IRGQ: variants seen among roughly 807,000 people sequenced by gnomAD.
IRGQ encodes immunity-related GTPase family Q protein.
Under a neutral mutation model 10.5 loss-of-function variants are expected in IRGQ, and 5 were observed. The observed-to-expected ratio is 0.48, with a 90% CI of 0.25 to 1.00. The LOEUF is 1.00. IRGQ is among the 50% of genes least tolerant of loss of function. The probability of loss-of-function intolerance (pLI) is 0.16; values close to 1 mark genes in which losing one functional copy is unlikely to be tolerated. For synonymous variants in IRGQ, 418 were observed against 426.0 expected, an observed-to-expected ratio of 0.98 and a Z score of 0.23; for missense variants, 792 against 877.7, an observed-to-expected ratio of 0.90 and a Z score of 1.23.
Position 43,594,940 on chromosome 19 carries a change from A to G in IRGQ, c.399T>C (p.Ala133=). ...TAAQARDQTA[A]LLNSAGLGAA... is the part of the protein sequence containing the mutation. ...CTCCTAACCCCGCGCTGTTCAGCAG[A>G]GCTGCTGTCTGATCACGGGCCTGGG... The change falls in exon 2 of 3, where the codon GCT becomes GCC. Residue 133 remains alanine (A), a synonymous_variant. Transcript: ENST00000422989. 1.2e-6 allele frequency: 2 copies of G among 1,614,046 alleles called. No individual in the cohort carries two copies. Among genetic ancestry groups the G allele is most frequent in the South Asian group, 2.2e-5 (2 of 91,092 alleles).
chr19:43,589,218 A>G lies in IRGQ; in HGVS notation c.*2808T>C, dbSNP rs1235524528. The G allele has an allele frequency of 1.3e-5, 2 of 152,224 alleles. No individual in the cohort carries two copies. The highest frequency in any genetic ancestry group is 2.9e-5 in the Non-Finnish European group (2 of 68,048). 9.4% of individuals were successfully genotyped at this position (152,224 alleles called of 1,614,324 possible). A position where few individuals can be genotyped will look rare whatever the true frequency, so the allele number is the denominator to read the frequency against. On this transcript the variant is annotated 3_prime_UTR_variant, in exon 3 of 3. Transcript: ENST00000422989. ...AGACAAGGGTGTTCTCTCCCATTAA[A>G]TGCTTTTTTCTCCTCATCTTGCTCC... is the stretch of plus-strand genomic sequence containing the variant.
Position 43,595,101 on chromosome 19 carries a change from G to A in IRGQ, c.238C>T (p.Leu80=), listed in dbSNP as rs1182149331. 2.5e-6 allele frequency: 4 copies of A among 1,606,506 alleles called. No homozygotes were observed. In the South Asian group the frequency reaches 3.3e-5, roughly 13 times the overall value. Residue 80 remains leucine (L), a synonymous_variant, in exon 2 of 3, where the codon CTG becomes TTG. Transcript: ENST00000422989. ...TTCCCCTCGGGTCCGGGCAGCACCA[G>A]TACCAGCACGTTGGCTTCCGCCGCC... The part of the protein sequence containing the change: ...PWAAEANVLV[L]VLPGPEGNGE...
In IRGQ at chr19:43,591,623, C is replaced by G. The variant is rs113037114; in HGVS notation, c.*403G>C. The G allele has an allele frequency of 8.0e-3, 1,274 of 160,152 alleles. 15 individuals carry two copies. Among genetic ancestry groups the G allele is most frequent in the African/African-American group, 0.029 (1,212 of 41,724 alleles). The allele number at this position is 160,152 out of a possible 1,614,324, so 9.9% of individuals were successfully genotyped here. A position where few individuals can be genotyped will look rare whatever the true frequency, so the allele number is the denominator to read the frequency against. On this transcript the variant is annotated 3_prime_UTR_variant, in exon 3 of 3. Coordinates refer to ENST00000422989, the MANE Select transcript of IRGQ (RefSeq NM_001007561.3). ...AGCACTTTGGGAGGCCGGAGCGGGT[C>G]GATCGCCTGAGGTCAGGAGTTCGAG... is the stretch of plus-strand genomic sequence containing the variant.
In IRGQ at chr19:43,592,995, G is replaced by A; in HGVS notation, c.903C>T (p.Ile301=). 6.2e-7 allele frequency: 1 copy of A among 1,608,948 alleles called. No individual in the cohort carries two copies. Among genetic ancestry groups the A allele is most frequent in the Non-Finnish European group, 8.5e-7 (1 of 1,179,534 alleles). The change falls in exon 3 of 3, where the codon ATC becomes ATT. Residue 301 remains isoleucine, a synonymous_variant. Transcript: ENST00000422989. ...ASHPTHYDAL[I]LVTPGAPTEK... is the part of the protein sequence containing the mutation. ...CAGTGGGGGCCCCAGGGGTGACGAG[G>A]ATGAGGGCGTCGTAGTGCGTTGGGT...
Position 43,589,897 on chromosome 19 carries a change from G to C in IRGQ, c.*2129C>G, listed in dbSNP as rs879823409. ...AGAGTAGAACAGGAAGTTGTGAGTA[G>C]AGCCTTGAAGGAAAGAGAACAGCAG... On this transcript the variant is annotated 3_prime_UTR_variant, in exon 3 of 3. Transcript: ENST00000422989. The C allele has an allele frequency of 4.6e-5, 7 of 152,154 alleles. No individual in the cohort carries two copies. The highest frequency in any genetic ancestry group is 8.8e-5 in the Non-Finnish European group (6 of 68,082). The allele number at this position is 152,154 out of a possible 1,614,324, so 9.4% of individuals were successfully genotyped here. A position where few individuals can be genotyped will look rare whatever the true frequency, so the allele number is the denominator to read the frequency against.
rs1212458761 is a variant in IRGQ, at chr19:43,593,867, T to C, written c.531-500A>G. ...GGGGAGAAATCTCATCTACCAGTTCTTACCAAGGGGGAGTGGCTAAGGTGA... is the reference window on the plus strand; with the variant it reads ...GGGGAGAAATCTCATCTACCAGTTCCTACCAAGGGGGAGTGGCTAAGGTGA... On this transcript the variant is annotated intron_variant, in intron 2 of 2. Transcript: ENST00000422989. This position sits in a 1 kb window ranked among gnomAD's most constrained non-coding sequence, Gnocchi z 6.4. 1.3e-5 allele frequency among the ~76,000 whole-genome samples: 2 copies of C among 152,078 alleles called. No homozygotes were observed. Among genetic ancestry groups the C allele is most frequent in the Non-Finnish European group, 2.9e-5 (2 of 67,990 alleles).
chr19:43,591,897 T>A lies in IRGQ; in HGVS notation c.*129A>T. ...ATCAGGATTCCTGTCCCCCAGACTC[T>A]CTGAATCCAGGTGATAAGAAGTCAC... On this transcript the variant is annotated 3_prime_UTR_variant, in exon 3 of 3. Coordinates refer to ENST00000422989, the MANE Select transcript of IRGQ (RefSeq NM_001007561.3). 1.2e-6 allele frequency: 1 copy of A among 809,862 alleles called. No homozygotes were observed. The highest frequency in any genetic ancestry group is 1.9e-6 in the Non-Finnish European group (1 of 532,576). The allele number at this position is 809,862 out of a possible 1,614,324, so 50.2% of individuals were successfully genotyped here.
Position 43,587,008 on chromosome 19 carries a change from T to C in IRGQ, c.*5018A>G, listed in dbSNP as rs534733406. Reference sequence around the variant, plus strand: ...ATGTTGCACTACTGCCAATGAAACATAGAATTTTAAGTTGTATTTACTTTT... The same window carrying C: ...ATGTTGCACTACTGCCAATGAAACACAGAATTTTAAGTTGTATTTACTTTT... On this transcript the variant is annotated 3_prime_UTR_variant, in exon 3 of 3. Transcript: ENST00000422989. The C allele has an allele frequency of 8.5e-5, 13 of 152,152 alleles. No individual in the cohort carries two copies. Among genetic ancestry groups the C allele is most frequent in the South Asian group, 2.1e-4 (1 of 4,826 alleles). 9.4% of individuals were successfully genotyped at this position (152,152 alleles called of 1,614,324 possible).
Position 43,592,568 on chromosome 19 carries a change from C to G in IRGQ, c.1330G>C (p.Glu444Gln). ...GGGGGGAGCGCTCGCCGCAGCCATT[C>G]GCATAGCCCTGGGAGTCCGCCAGGC... Reference protein sequence around the residue: ...LRPGGLPGLCEWLRRALPPAQ... With the variant: ...LRPGGLPGLCQWLRRALPPAQ... Residue 444 changes from glutamate (E) to glutamine (Q), a missense_variant, in exon 3 of 3, where the codon GAA (glutamate) becomes CAA (glutamine). Transcript: ENST00000422989. 6.3e-7 allele frequency: 1 copy of G among 1,598,450 alleles called. No individual in the cohort carries two copies. Among genetic ancestry groups the G allele is most frequent in the Non-Finnish European group, 8.5e-7 (1 of 1,179,064 alleles).
rs1236195151 is a variant in IRGQ, at chr19:43,592,082, C to G, written c.1816G>C (p.Asp606His). Residue 606 changes from aspartate (D) to histidine (H), a missense_variant, in exon 3 of 3, where the codon GAT becomes CAT. Transcript: ENST00000422989. ...AAHGVLLQAL[D>H]EMRADAEAVL... ...GCCTCAGCATCAGCCCGCATCTCAT[C>G]GAGAGCCTGCAGCAGGACGCCGTGA... The G allele has an allele frequency of 6.2e-7, 1 of 1,612,496 alleles. No homozygotes were observed. The highest frequency in any genetic ancestry group is 8.5e-7 in the Non-Finnish European group (1 of 1,179,670).
rs866050386 is a variant in IRGQ, at chr19:43,592,471, G to A, written c.1427C>T (p.Ala476Val). ...SPSAARTKAA[A>V]LRAGAWRPAL... ...TGGCCTCCACGCCCCGGCTCGCAAC[G>A]CCGCAGCCTTGGTTCGGGCAGCGCT... The change falls in exon 3 of 3, where the codon GCG becomes GTG. Residue 476 changes from alanine to valine, a missense_variant. Coordinates refer to ENST00000422989, the MANE Select transcript of IRGQ (RefSeq NM_001007561.3). 3 of 1,589,270 alleles carry A rather than the reference G, an allele frequency of 1.9e-6. No homozygotes were observed. Among genetic ancestry groups the A allele is most frequent in the African/African-American group, 1.3e-5 (1 of 74,644 alleles).
chr19:43,594,062 AG>A (rs1973096054), intron 2 of IRGQ, among the ~76,000 whole-genome samples: 1 of 152,244 alleles, frequency 6.6e-6, no homozygotes. Flanking sequence ...AGCTGGAGAA[AG>A]GAGGTAGATG....
Position 43,593,267 on chromosome 19 carries a change from A to G in IRGQ, c.631T>C (p.Ser211Pro). 1 of 1,597,662 alleles carries G rather than the reference A, an allele frequency of 6.3e-7. No individual in the cohort carries two copies. The highest frequency in any genetic ancestry group is 8.5e-7 in the Non-Finnish European group (1 of 1,171,272). ...FETGGLEAAL[S>P]WVRSGLERLG... Reference sequence around the variant, plus strand: ...CGCTCCAGGCCTGAGCGCACCCACGACAGCGCAGCCTCAAGGCCGCCGGTC... The same window carrying G: ...CGCTCCAGGCCTGAGCGCACCCACGGCAGCGCAGCCTCAAGGCCGCCGGTC... Residue 211 changes from serine to proline, a missense_variant, in exon 3 of 3, where the codon TCG (serine) becomes CCG (proline). By Grantham distance (74) the Ser-to-Pro change is moderately conservative. Coordinates refer to ENST00000422989, the MANE Select transcript of IRGQ (RefSeq NM_001007561.3). This position sits in a 1 kb window ranked among gnomAD's most constrained non-coding sequence, Gnocchi z 6.4.
At position 43,594,850 on chromosome 19, in the gene IRGQ, G is replaced by T; in HGVS notation, c.489C>A (p.Arg163=). Residue 163 remains arginine, a synonymous_variant, in exon 2 of 3, where the codon CGC becomes CGA. Transcript: ENST00000422989. ...CCTGGCTCTGCAGCGCCGCCCGGAG[G>T]CGCTCTAGCTCCTCGCAGCCGTCGC... is the stretch of plus-strand genomic sequence containing the variant. The part of the protein sequence containing the change: ...GSSDGCEELE[R]LRAALQSQAE... 1.2e-6 allele frequency: 2 copies of T among 1,612,902 alleles called. No homozygotes were observed. Among genetic ancestry groups the T allele is most frequent in the Non-Finnish European group, 1.7e-6 (2 of 1,179,562 alleles).
At position 43,584,878 on chromosome 19, in the gene IRGQ, GCT is replaced by G. The variant is rs1972975671; in HGVS notation, c.*7146_*7147del. 6.6e-6 allele frequency: 1 copy of G among 152,010 alleles called. No homozygotes were observed. The highest frequency in any genetic ancestry group is 6.6e-5 in the Admixed American group (1 of 15,222). The allele number at this position is 152,010 out of a possible 1,614,324, so 9.4% of individuals were successfully genotyped here. ...TTTTTATTTTTTTAGACATTGTCTT[GCT>G]CTGTCACCCAGGCTGGAGTGCAGTG... On this transcript the variant is annotated 3_prime_UTR_variant, in exon 3 of 3. Transcript: ENST00000422989.
chr19:43,592,622 C>A lies in IRGQ; in HGVS notation c.1276G>T (p.Glu426Ter). Residue 426 changes from glutamate to a stop codon, truncating the protein, a stop_gained, in exon 3 of 3, where the codon GAG becomes TAG. Transcript: ENST00000422989. LOFTEE classifies it low-confidence loss of function (END_TRUNC). The part of the protein sequence containing the change: ...PEDETWEVLE[E>*]APPPVFPLRP... ...AGGGGGAACACTGGCGGCGGCGCCT[C>A]CTCCAGCACCTCCCACGTCTCGTCC... 1.2e-6 allele frequency: 2 copies of A among 1,602,386 alleles called. No individual in the cohort carries two copies. The highest frequency in any genetic ancestry group is 8.5e-7 in the Non-Finnish European group (1 of 1,179,918).
In IRGQ at chr19:43,592,014, C is replaced by G. The variant is rs1973061885; in HGVS notation, c.*12G>C. The stretch of plus-strand genomic sequence containing the variant: ...CTGTCAGAGTCTGGACTCCCAAGCC[C>G]CCTCCCACTCCTCACTGGGCAGGCT... On this transcript the variant is annotated 3_prime_UTR_variant, in exon 3 of 3. Transcript: ENST00000422989. 4 of 1,571,688 alleles carry G rather than the reference C, an allele frequency of 2.5e-6. No homozygotes were observed. Among genetic ancestry groups the G allele is most frequent in the Non-Finnish European group, 3.5e-6 (4 of 1,155,518 alleles).
At position 43,593,745 on chromosome 19, in the gene IRGQ, G is replaced by A. The variant is rs1311897473; in HGVS notation, c.531-378C>T. 6.6e-6 allele frequency among the ~76,000 whole-genome samples: 1 copy of A among 152,124 alleles called. No homozygotes were observed. The highest frequency in any genetic ancestry group is 6.5e-5 in the Admixed American group (1 of 15,282). ...AGGGTGGGGCCTAGAACAAAGAATCGCAACTGTATTGTGGCCTAAACACAA... is the reference window on the plus strand; with the variant it reads ...AGGGTGGGGCCTAGAACAAAGAATCACAACTGTATTGTGGCCTAAACACAA... On this transcript the variant is annotated intron_variant, in intron 2 of 2. Coordinates refer to ENST00000422989, the MANE Select transcript of IRGQ (RefSeq NM_001007561.3). The surrounding 1 kb of genome is among the most constrained non-coding windows in gnomAD (Gnocchi z 6.4).
At position 43,589,708 on chromosome 19, in the gene IRGQ, T is replaced by C. The variant is rs1250748730; in HGVS notation, c.*2318A>G. On this transcript the variant is annotated 3_prime_UTR_variant, in exon 3 of 3. Transcript: ENST00000422989. ...AAAAGCCAATAAACAGGTAAATAAA[T>C]AAGATCATTTTTGACAGTAATAATT... is the stretch of plus-strand genomic sequence containing the variant. 2 of 151,986 alleles carry C rather than the reference T, an allele frequency of 1.3e-5. No homozygotes were observed. The highest frequency in any genetic ancestry group is 1.3e-4 in the Admixed American group (2 of 15,242). 9.4% of individuals were successfully genotyped at this position (151,986 alleles called of 1,614,324 possible). A position where few individuals can be genotyped will look rare whatever the true frequency, so the allele number is the denominator to read the frequency against.
Sources: allele counts gnomAD v4.1 joint callset (sites outside exome capture counted in the v4.1 genomes callset), GRCh38; gene constraint gnomAD v4.1.1; non-coding constraint Gnocchi (gnomAD v3.1); transcripts MANE v1.5; gene names NCBI Gene and HGNC (gene_info 2026-07-23, HGNC 2026-07-21).